The following IRAG1 variants were observed in gnomAD, a reference collection of about 807,000 sequenced individuals.
The protein encoded by IRAG1 is inositol 1,4,5-triphosphate receptor associated 1.
A neutral mutation model predicts 106.2 loss-of-function variants in IRAG1; 62 were observed. That is an observed-to-expected ratio of 0.58 (90% CI 0.48 to 0.72). The LOEUF (loss-of-function observed/expected upper bound fraction) is 0.72. Ranked by LOEUF, IRAG1 falls within the 30% of genes least tolerant of loss-of-function variation. The pLI, the probability that IRAG1 is intolerant of heterozygous loss-of-function variation, is 0.00. For missense variants in IRAG1, 1,064 were observed against 1,140.7 expected (o/e 0.93, Z 0.97); for synonymous variants, 462 against 443.9 (o/e 1.04, Z -0.51).
In IRAG1 at chr11:10,646,028, C is replaced by G. The variant is rs78651702; in HGVS notation, c.225+5997G>C. Among the ~76,000 whole-genome samples the G allele has an allele frequency of 5.4e-3, 822 of 152,304 alleles. 11 individuals carry two copies. Among genetic ancestry groups the G allele is most frequent in the African/African-American group, 0.019 (770 of 41,552 alleles). On this transcript the variant is annotated intron_variant, in intron 2 of 20. Coordinates refer to ENST00000423302, the MANE Select transcript of IRAG1 (RefSeq NM_130385.4). ...CAAGGAATAATGAGGAATCACTTATCCAAGGTAGCAGTCAAGGATGTGAAG... is the reference window on the plus strand; with the variant it reads ...CAAGGAATAATGAGGAATCACTTATGCAAGGTAGCAGTCAAGGATGTGAAG...
chr11:10,607,913 C>CAA (rs1854616458), intron 11 of IRAG1, among the ~76,000 whole-genome samples: 1 of 152,186 alleles, frequency 6.6e-6, no homozygotes, highest in Non-Finnish European at 1.5e-5. Context: ...ACCCATCAGG[C>CAA]CCTTGCCTTA....
chr11:10,668,471 C>A (rs1859960289), intron 1 of IRAG1, among the ~76,000 whole-genome samples: 1 of 152,228 alleles, frequency 6.6e-6, no homozygotes, highest in Non-Finnish European at 1.5e-5. Flanking sequence ...ATCTGACCAA[C>A]TAATGGTTTT....
At chr11:10,625,051 C>T (rs1856131402) in intron 9 of IRAG1, among the ~76,000 whole-genome samples, 2 of 152,296 alleles carry the variant, frequency 1.3e-5, no homozygotes, top group African/African-American at 4.8e-5. Context: ...GCCCCAGCTC[C>T]CCTGTGCCTC....
In IRAG1 at chr11:10,604,563, G is replaced by A. The variant is rs1854318553; in HGVS notation, c.1603-18C>T. 1 of 1,613,866 alleles carries A rather than the reference G, an allele frequency of 6.2e-7. No individual in the cohort carries two copies. Among genetic ancestry groups the A allele is most frequent in the Non-Finnish European group, 8.5e-7 (1 of 1,179,864 alleles). ...AACACGTTCTGTTGGGAACAAGGGTGTGAGAGAGGTGCTGGGAGGAGTTAC... is the reference window on the plus strand; with the variant it reads ...AACACGTTCTGTTGGGAACAAGGGTATGAGAGAGGTGCTGGGAGGAGTTAC... On this transcript the variant is annotated intron_variant, in intron 12 of 20. Coordinates refer to ENST00000423302, the MANE Select transcript of IRAG1 (RefSeq NM_130385.4).
intron 5 of IRAG1, among the ~76,000 whole-genome samples, chr11:10,629,057 C>A (rs1856493088): frequency 6.6e-6 from 1 of 152,038 alleles, no homozygotes; most frequent in Non-Finnish European, 1.5e-5. Context: ...GATAGAGTCA[C>A]ACTTCTCAGC....
intron 2 of IRAG1, among the ~76,000 whole-genome samples, chr11:10,649,237 C>T (rs972612518): frequency 3.3e-5 from 5 of 152,196 alleles, no homozygotes; most frequent in African/African-American, 1.2e-4. Flanking sequence ...ACTCACCATG[C>T]CTGGTTGCCT....
chr11:10,608,187 C>T (rs1428825235), intron 11 of IRAG1, among the ~76,000 whole-genome samples: 2 of 152,138 alleles, frequency 1.3e-5, no homozygotes, highest in Non-Finnish European at 2.9e-5. Flanking sequence ...AGGATCACTG[C>T]AGAGGTGGCT....
At chr11:10,681,881 C>G (rs1465974443) in intron 1 of IRAG1, among the ~76,000 whole-genome samples, 1 of 152,168 alleles carries the variant, frequency 6.6e-6, no homozygotes, top group Non-Finnish European at 1.5e-5. Flanking sequence ...CCCTTAATAC[C>G]TTTCTATAAA....
chr11:10,692,937 T>A (rs754747848), intron 1 of IRAG1, among the ~76,000 whole-genome samples: 1 of 152,050 alleles, frequency 6.6e-6, no homozygotes, highest in Non-Finnish European at 1.5e-5. Context: ...GCCGGGCACA[T>A]ACACCCCCTC....
At chr11:10,661,732 T>C (rs1035774865) in intron 1 of IRAG1, among the ~76,000 whole-genome samples, 1 of 152,230 alleles carries the variant, frequency 6.6e-6, no homozygotes, top group South Asian at 2.1e-4. Context: ...GAACTCATGA[T>C]TACATTGAAC....
chr11:10,646,220 C>T (rs1374986832), intron 2 of IRAG1, among the ~76,000 whole-genome samples: 7 of 152,176 alleles, frequency 4.6e-5, no homozygotes, highest in Non-Finnish European at 8.8e-5. Flanking sequence ...CAGGATAGGC[C>T]TCCTACAACC....
chr11:10,634,753 T>TTTTGTGTGTGTG (rs1554927053), intron 2 of IRAG1, among the ~76,000 whole-genome samples: 4 of 144,936 alleles, frequency 2.8e-5, no homozygotes, highest in African/African-American at 1.0e-4. Context: ...AATAATATTC[T>TTTTGTGTGTGTG]TGTGTGTGTG....
At chr11:10,597,110 G>T (rs988131397) in intron 15 of IRAG1, among the ~76,000 whole-genome samples, 1 of 152,196 alleles carries the variant, frequency 6.6e-6, no homozygotes, top group Non-Finnish European at 1.5e-5. Flanking sequence ...CAAATCCCAT[G>T]GCCTTGCCTT....
intron 11 of IRAG1, among the ~76,000 whole-genome samples, chr11:10,609,121 T>G (rs1360320746): frequency 6.6e-6 from 1 of 152,178 alleles, no homozygotes; most frequent in Non-Finnish European, 1.5e-5. Flanking sequence ...ATGAGTGGCT[T>G]TTTGTCATTT....
At chr11:10,578,007 C>G (rs765255313) in intron 20 of IRAG1, among the ~76,000 whole-genome samples, 5 of 152,270 alleles carry the variant, frequency 3.3e-5, no homozygotes, top group Admixed American at 6.5e-5. Flanking sequence ...TAAAATGGAG[C>G]CTTTGGGGCT....
At chr11:10,662,012 T>A (rs1217808451) in intron 1 of IRAG1, among the ~76,000 whole-genome samples, 1 of 152,240 alleles carries the variant, frequency 6.6e-6, no homozygotes, top group African/African-American at 2.4e-5. Flanking sequence ...CATATTTTTA[T>A]GACCTGCCTC....
At chr11:10,591,458 T>G in intron 18 of IRAG1, 90 bp downstream of exon 18, 1 of 1,173,282 alleles carries the variant, frequency 8.5e-7, no homozygotes, top group Non-Finnish European at 1.2e-6. Context: ...TTCCACTGCA[T>G]TTTGGGGATA....
chr11:10,602,903 A>G (rs1267030143), intron 14 of IRAG1, among the ~76,000 whole-genome samples: 2 of 152,178 alleles, frequency 1.3e-5, no homozygotes, highest in Non-Finnish European at 2.9e-5. Context: ...GTAGTCCCCA[A>G]ACTTGTGCGT....
intron 1 of IRAG1, among the ~76,000 whole-genome samples, chr11:10,662,533 A>G (rs747097720): frequency 6.6e-6 from 1 of 152,232 alleles, no homozygotes; most frequent in Non-Finnish European, 1.5e-5. Flanking sequence ...TAACTTATCA[A>G]TGGCTCTTCT....
Sources: allele counts gnomAD v4.1 joint callset (sites outside exome capture counted in the v4.1 genomes callset), GRCh38; gene constraint gnomAD v4.1.1; transcripts MANE v1.5; gene names NCBI Gene and HGNC (gene_info 2026-07-23, HGNC 2026-07-21).